The following TLL1 variants were observed in gnomAD, a reference collection of about 807,000 sequenced individuals.
TLL1 encodes tolloid-like protein 1.
TLL1 carries 49 observed loss-of-function variants against 128.2 expected under a neutral mutation model. That is an observed-to-expected ratio of 0.38 (90% CI 0.30 to 0.48). The LOEUF (loss-of-function observed/expected upper bound fraction) is 0.48, where lower values mean the gene tolerates loss of function less well. TLL1 is among the 20% of genes least tolerant of loss of function. The pLI is 0.96. For synonymous variants in TLL1, 454 were observed against 418.8 expected, an observed-to-expected ratio of 1.08 and a Z score of -1.03; for missense variants, 1,123 against 1,242.0, an observed-to-expected ratio of 0.90 and a Z score of 1.44.
At chr4:166,030,121 G>T (rs774188758) in intron 9 of TLL1, among the ~76,000 whole-genome samples, 6 of 152,026 alleles carry the variant, frequency 3.9e-5, no homozygotes, top group Admixed American at 3.9e-4. Context: ...CTGCAAAAGG[G>T]TTCCAATTTC....
Position 165,929,537 on chromosome 4 carries a change from C to CAA in TLL1, c.169+55478_169+55479dup, listed in dbSNP as rs71604413. 5.8e-3 allele frequency among the ~76,000 whole-genome samples: 780 copies of CAA among 134,046 alleles called. 4 individuals carry two copies. The highest frequency in any genetic ancestry group is 0.019 in the African/African-American group (645 of 34,386). 87.9% of individuals were successfully genotyped at this position (134,046 alleles called of 152,430 possible). A position where few individuals can be genotyped will look rare whatever the true frequency, so the allele number is the denominator to read the frequency against. On this transcript the variant is annotated intron_variant, in intron 1 of 20. Coordinates refer to ENST00000061240, the MANE Select transcript of TLL1 (RefSeq NM_012464.5). ...CTGGTGACAAAGCAAGACTCCATCT[C>CAA]AAAAAAAAAAAAAAAGTAGATAAAT... is the stretch of plus-strand genomic sequence containing the variant.
chr4:166,035,760 A>G (rs1288256318), intron 9 of TLL1, among the ~76,000 whole-genome samples: 3 of 152,170 alleles, frequency 2.0e-5, no homozygotes, highest in African/African-American at 7.2e-5. Context: ...GCTGTACAGT[A>G]TTTGTCACAA....
intron 18 of TLL1, among the ~76,000 whole-genome samples, chr4:166,084,926 T>A (rs1741434719): frequency 1.3e-5 from 2 of 152,106 alleles, no homozygotes; most frequent in Non-Finnish European, 2.9e-5. Flanking sequence ...TTTTTTCTAT[T>A]CCTGTGAAAA....
chr4:165,928,272 G>T (rs1733360259), intron 1 of TLL1, among the ~76,000 whole-genome samples: 1 of 152,184 alleles, frequency 6.6e-6, no homozygotes, highest in Admixed American at 6.5e-5. Context: ...ATATGATACA[G>T]AAGACATAGT....
intron 12 of TLL1, among the ~76,000 whole-genome samples, chr4:166,052,908 T>A (rs1446583444): frequency 7.1e-6 from 1 of 140,368 alleles, no homozygotes; most frequent in East Asian, 2.1e-4. Flanking sequence ...TTCTCATATT[T>A]ATAGAGAACC....
chr4:165,960,039 G>A lies in TLL1; in HGVS notation c.170-29342G>A, dbSNP rs74287138. On this transcript the variant is annotated intron_variant, in intron 1 of 20. Transcript: ENST00000061240. ...ACCCAAAAATCCATACAGAAGTTCA[G>A]CAAAATCAAGTTGGTTGTTTGAAAG... Among the ~76,000 whole-genome samples the A allele has an allele frequency of 7.5e-3, 1,136 of 152,112 alleles. 18 individuals carry two copies. The highest frequency in any genetic ancestry group is 0.043 in the East Asian group (223 of 5,168).
chr4:165,960,377 C>T (rs1054716581), intron 1 of TLL1, among the ~76,000 whole-genome samples: 4 of 152,066 alleles, frequency 2.6e-5, no homozygotes, highest in African/African-American at 9.7e-5. Context: ...CAGCCAAATT[C>T]TACCAGATGT....
intron 1 of TLL1, among the ~76,000 whole-genome samples, chr4:165,931,687 C>G (rs562072914): frequency 1.3e-3 from 172 of 136,016 alleles, no homozygotes; most frequent in Admixed American, 2.3e-3. Context: ...CCACTGCACT[C>G]CAGCCTGGGC....
intron 1 of TLL1, among the ~76,000 whole-genome samples, chr4:165,936,843 G>C (rs896405051): frequency 6.6e-6 from 1 of 152,084 alleles, no homozygotes; most frequent in Non-Finnish European, 1.5e-5. Flanking sequence ...TGAAGCAGGA[G>C]AATAGCTTGA....
intron 6 of TLL1, among the ~76,000 whole-genome samples, chr4:166,006,918 C>T (rs1346041341): frequency 6.6e-6 from 1 of 151,556 alleles, no homozygotes; most frequent in Non-Finnish European, 1.5e-5. Context: ...TTAGAAAACT[C>T]TGTATTAATG....
chr4:165,977,184 A>C (rs1735922512), intron 1 of TLL1, among the ~76,000 whole-genome samples: 1 of 152,142 alleles, frequency 6.6e-6, no homozygotes, highest in African/African-American at 2.4e-5. Flanking sequence ...TTGAATTGTA[A>C]TCTCCACAAT....
At chr4:165,910,850 C>T (rs995917517) in intron 1 of TLL1, among the ~76,000 whole-genome samples, 5 of 152,172 alleles carry the variant, frequency 3.3e-5, no homozygotes, top group African/African-American at 1.2e-4. Context: ...GATTATATAG[C>T]TGCCAAGTGA....
intron 1 of TLL1, among the ~76,000 whole-genome samples, chr4:165,924,384 G>A (rs983583017): frequency 1.3e-5 from 2 of 152,166 alleles, no homozygotes; most frequent in African/African-American, 4.8e-5. Context: ...GCTTATTTCT[G>A]ATATGGAGAA....
At chr4:165,913,742 C>T (rs1561024981) in intron 1 of TLL1, among the ~76,000 whole-genome samples, 2 of 152,162 alleles carry the variant, frequency 1.3e-5, no homozygotes, top group Middle Eastern at 3.4e-3. Context: ...GGCTGGGCAC[C>T]GTGGTTCACA....
intron 1 of TLL1, among the ~76,000 whole-genome samples, chr4:165,974,911 C>G (rs926840250): frequency 2.6e-5 from 4 of 151,968 alleles, no homozygotes; most frequent in Non-Finnish European, 4.4e-5. Context: ...ATTATTATGT[C>G]GGGAGTTCTC....
At chr4:165,906,693 G>A (rs1732273278) in intron 1 of TLL1, among the ~76,000 whole-genome samples, 1 of 152,098 alleles carries the variant, frequency 6.6e-6, no homozygotes, top group African/African-American at 2.4e-5. Flanking sequence ...TGAAAGAATT[G>A]TGAGTAGACA....
At chr4:165,889,642 G>A (rs1731307683) in intron 1 of TLL1, among the ~76,000 whole-genome samples, 1 of 152,162 alleles carries the variant, frequency 6.6e-6, no homozygotes, top group Admixed American at 6.5e-5. Flanking sequence ...CAGCTAAGTA[G>A]GATTATGCTT....
Position 165,879,823 on chromosome 4 carries a change from C to A in TLL1, c.169+5750C>A, listed in dbSNP as rs797008585. Among the ~76,000 whole-genome samples the A allele has an allele frequency of 3.2e-4, 49 of 152,100 alleles. 1 individual carries two copies. Among genetic ancestry groups the A allele is most frequent in the African/African-American group, 1.1e-3 (46 of 41,490 alleles). On this transcript the variant is annotated intron_variant, in intron 1 of 20. Transcript: ENST00000061240. Reference sequence around the variant, plus strand: ...TTGAGCTCAGACTTAGGCCAGGACTCGGGGGCCTGGCAAGGTTCCTGAGGA... The same window carrying A: ...TTGAGCTCAGACTTAGGCCAGGACTAGGGGGCCTGGCAAGGTTCCTGAGGA...
At chr4:165,970,559 A>G (rs1188077880) in intron 1 of TLL1, among the ~76,000 whole-genome samples, 1 of 152,222 alleles carries the variant, frequency 6.6e-6, no homozygotes, top group East Asian at 1.9e-4. Flanking sequence ...GAATGCTAGC[A>G]TTTAAAATAG....
Sources: allele counts gnomAD v4.1 joint callset (sites outside exome capture counted in the v4.1 genomes callset), GRCh38; gene constraint gnomAD v4.1.1; transcripts MANE v1.5; gene names NCBI Gene and HGNC (gene_info 2026-07-23, HGNC 2026-07-21).